Variants in HIBADH observed in about 807,000 individuals in gnomAD.
HIBADH encodes the protein 3-hydroxyisobutyrate dehydrogenase, also known as 3-hydroxyisobutyrate dehydrogenase, mitochondrial.
HIBADH carries 25 observed loss-of-function variants against 36.1 expected under a neutral mutation model. That is an observed-to-expected ratio of 0.69 (90% CI 0.50 to 0.97). The LOEUF is 0.97. HIBADH is among the 50% of genes least tolerant of loss of function. The probability of loss-of-function intolerance (pLI) is 0.00; values close to 1 mark genes in which losing one functional copy is unlikely to be tolerated. For synonymous variants in HIBADH, 160 were observed against 149.5 expected (o/e 1.07, Z -0.51); for missense variants, 421 against 418.0 (o/e 1.01, Z -0.06).
chr7:27,563,839 C>T (rs1784501251), intron 4 of HIBADH, among the ~76,000 whole-genome samples: 1 of 151,296 alleles, frequency 6.6e-6, no homozygotes, highest in Non-Finnish European at 1.5e-5. Flanking sequence ...TTCTCTTAGG[C>T]TGCAGCTTGT....
intron 1 of HIBADH, among the ~76,000 whole-genome samples, 188 bp from the exon 2 acceptor site, chr7:27,649,821 C>G (rs1786146588): frequency 6.6e-6 from 1 of 151,006 alleles, no homozygotes; most frequent in Non-Finnish European, 1.5e-5. Flanking sequence ...CTGCTCGAGC[C>G]CAGGAGTTTT....
At chr7:27,613,810 C>T (rs1161614920) in intron 4 of HIBADH, among the ~76,000 whole-genome samples, 1 of 151,964 alleles carries the variant, frequency 6.6e-6, no homozygotes, top group African/African-American at 2.4e-5. Flanking sequence ...AGGTACACGC[C>T]ACCATGCCCG....
chr7:27,535,755 C>A (rs1784062344), intron 6 of HIBADH, among the ~76,000 whole-genome samples: 1 of 145,374 alleles, frequency 6.9e-6, no homozygotes, highest in African/African-American at 2.5e-5. Context: ...TTACTCTTTA[C>A]TTTTTTTTTT....
chr7:27,539,760 T>G (rs1004490417), intron 5 of HIBADH, among the ~76,000 whole-genome samples: 2 of 152,128 alleles, frequency 1.3e-5, no homozygotes, highest in African/African-American at 4.8e-5. Flanking sequence ...AATAGCCCAC[T>G]GTTGACTGGA....
intron 4 of HIBADH, among the ~76,000 whole-genome samples, chr7:27,549,025 G>T (rs1352716024): frequency 2.0e-5 from 3 of 152,148 alleles, no homozygotes; most frequent in African/African-American, 7.2e-5. Flanking sequence ...AGTTTAACAT[G>T]AACTGAGCAA....
chr7:27,620,533 A>G (rs1236317078), intron 4 of HIBADH, among the ~76,000 whole-genome samples: 1 of 152,148 alleles, frequency 6.6e-6, no homozygotes, highest in Non-Finnish European at 1.5e-5. Context: ...CTGGCAGCCA[A>G]GAATACTGTA....
At chr7:27,585,951 T>C (rs768127186) in intron 4 of HIBADH, among the ~76,000 whole-genome samples, 15 of 152,296 alleles carry the variant, frequency 9.8e-5, no homozygotes, top group East Asian at 1.9e-4. Flanking sequence ...CCTTCTTCCA[T>C]GCTATTCTAT....
rs77613223 is a variant in HIBADH, at chr7:27,599,923, A to G, written c.484+29448T>C. On this transcript the variant is annotated intron_variant, in intron 4 of 7. Transcript: ENST00000265395. ...TTCAGACATAAGTAAAAGGAATGCT[A>G]TATCACATTTTTGTTGCCAATGGGA... is the stretch of plus-strand genomic sequence containing the variant. Among the ~76,000 whole-genome samples, 1,126 of 152,236 alleles carry G rather than the reference A, an allele frequency of 7.4e-3. 9 individuals carry two copies. The highest frequency in any genetic ancestry group is 0.011 in the Non-Finnish European group (745 of 68,010).
chr7:27,536,300 G>T (rs890528679), intron 6 of HIBADH, among the ~76,000 whole-genome samples: 1 of 151,928 alleles, frequency 6.6e-6, no homozygotes. Flanking sequence ...CAATTCATTG[G>T]TATAATCTGA....
At chr7:27,556,754 G>T (rs1184168385) in intron 4 of HIBADH, among the ~76,000 whole-genome samples, 1 of 152,170 alleles carries the variant, frequency 6.6e-6, no homozygotes, top group Non-Finnish European at 1.5e-5. Flanking sequence ...CTCCCAGTCT[G>T]TCTGTTCTTG....
chr7:27,662,640 G>A (rs1035071104), intron 1 of HIBADH, 58 bp downstream of exon 1: 13 of 1,103,732 alleles, frequency 1.2e-5, no homozygotes, highest in Non-Finnish European at 1.5e-5. Context: ...CGGCCGTCTG[G>A]ACAGAAGAAG....
intron 2 of HIBADH, among the ~76,000 whole-genome samples, chr7:27,636,135 C>T (rs917679128): frequency 1.3e-5 from 2 of 152,154 alleles, no homozygotes; most frequent in Non-Finnish European, 2.9e-5. Context: ...ACTACACCCC[C>T]TTTTTACATA....
At chr7:27,595,545 TA>T (rs1785018684) in intron 4 of HIBADH, among the ~76,000 whole-genome samples, 1 of 150,318 alleles carries the variant, frequency 6.7e-6, no homozygotes, top group Non-Finnish European at 1.5e-5. Flanking sequence ...AATAAATAAA[TA>T]AATAAAAATA....
intron 2 of HIBADH, among the ~76,000 whole-genome samples, chr7:27,640,160 G>A (rs1026777522): frequency 6.6e-6 from 1 of 152,172 alleles, no homozygotes; most frequent in African/African-American, 2.4e-5. Flanking sequence ...AAAGAACAAT[G>A]TACAGTCAAT....
At chr7:27,656,361 ATAAC>A (rs1380276346) in intron 1 of HIBADH, among the ~76,000 whole-genome samples, 5 of 152,218 alleles carry the variant, frequency 3.3e-5, no homozygotes, top group African/African-American at 7.2e-5. Context: ...CACTTCATTC[ATAAC>A]TAATTATATA....
intron 4 of HIBADH, among the ~76,000 whole-genome samples, chr7:27,555,746 T>C (rs1784380678): frequency 6.6e-6 from 1 of 152,146 alleles, no homozygotes; most frequent in African/African-American, 2.4e-5. Context: ...AGTTCAGGCA[T>C]ATAAAAAAAG....
intron 4 of HIBADH, among the ~76,000 whole-genome samples, chr7:27,613,820 G>A (rs896869319): frequency 2.6e-5 from 4 of 151,850 alleles, no homozygotes; most frequent in African/African-American, 4.8e-5. Context: ...CACCATGCCC[G>A]GCTAATTTTC....
At chr7:27,661,735 G>C (rs1786423555) in intron 1 of HIBADH, among the ~76,000 whole-genome samples, 1 of 151,468 alleles carries the variant, frequency 6.6e-6, no homozygotes, top group Non-Finnish European at 1.5e-5. Flanking sequence ...ACGATGCATT[G>C]TTACAACTCT....
chr7:27,638,400 A>C (rs573320245), intron 2 of HIBADH, among the ~76,000 whole-genome samples: 1 of 152,048 alleles, frequency 6.6e-6, no homozygotes, highest in South Asian at 2.1e-4. Context: ...TATGCAAAAA[A>C]CTGAAACTGG....
Sources: allele counts gnomAD v4.1 joint callset (sites outside exome capture counted in the v4.1 genomes callset), GRCh38; gene constraint gnomAD v4.1.1; transcripts MANE v1.5; gene names NCBI Gene and HGNC (gene_info 2026-07-23, HGNC 2026-07-21).